CCNY: variants seen among roughly 807,000 people sequenced by gnomAD.
The protein encoded by CCNY is cyclin Y, also known as cyclin-Y.
A neutral mutation model predicts 42.8 loss-of-function variants in CCNY; 19 were observed. That is an observed-to-expected ratio of 0.44 (90% CI 0.31 to 0.65). The LOEUF (loss-of-function observed/expected upper bound fraction) is 0.65. Among genes scored for constraint, CCNY ranks in the 30% least tolerant of loss-of-function variants. The pLI, the probability that CCNY is intolerant of heterozygous loss-of-function variation, is 0.07. For synonymous variants in CCNY, 165 were observed against 162.7 expected (o/e 1.01, Z -0.11); for missense variants, 370 against 437.3 (o/e 0.85, Z 1.37).
intron 1 of CCNY, among the ~76,000 whole-genome samples, chr10:35,461,941 G>T (rs1839166497): frequency 6.6e-6 from 1 of 151,484 alleles, no homozygotes; most frequent in Admixed American, 6.6e-5. Flanking sequence ...TTTTCTCCCG[G>T]CACATCCCAC....
chr10:35,311,661 G>A (rs533328479), intron 3 of CCNY, among the ~76,000 whole-genome samples: 17 of 152,194 alleles, frequency 1.1e-4, no homozygotes, highest in Admixed American at 3.3e-4. Flanking sequence ...CTGGGCAACA[G>A]AGGGAGACCC....
chr10:35,256,718 G>C (rs1435856289), intron 3 of CCNY, among the ~76,000 whole-genome samples: 1 of 149,048 alleles, frequency 6.7e-6, no homozygotes, highest in Non-Finnish European at 1.5e-5. Flanking sequence ...GCGACAGAGA[G>C]AGACTCTGTC....
intron 1 of CCNY, among the ~76,000 whole-genome samples, chr10:35,389,728 C>T (rs910109319): frequency 2.0e-5 from 3 of 152,192 alleles, no homozygotes; most frequent in African/African-American, 7.2e-5. Flanking sequence ...TGAGCCATCA[C>T]ACCCGGCTGA....
chr10:35,544,646 C>G (rs1385816083), intron 7 of CCNY, among the ~76,000 whole-genome samples: 2 of 152,210 alleles, frequency 1.3e-5, no homozygotes, highest in Non-Finnish European at 2.9e-5. Context: ...CAGACATCCT[C>G]TGTTTAGCAC....
intron 1 of CCNY, among the ~76,000 whole-genome samples, chr10:35,368,729 G>A (rs1283435704): frequency 6.6e-6 from 1 of 152,226 alleles, no homozygotes; most frequent in Non-Finnish European, 1.5e-5. Flanking sequence ...TGGGCGGTGT[G>A]GCATAGGAGT....
chr10:35,421,029 G>A (rs1353654566), intron 1 of CCNY, among the ~76,000 whole-genome samples: 3 of 152,196 alleles, frequency 2.0e-5, no homozygotes, highest in African/African-American at 7.2e-5. Flanking sequence ...AGCCAGCCCA[G>A]TGGATAGGCC....
intron 4 of CCNY, among the ~76,000 whole-genome samples, chr10:35,525,071 C>A (rs1840624657): frequency 6.6e-6 from 1 of 152,044 alleles, no homozygotes; most frequent in Non-Finnish European, 1.5e-5. Flanking sequence ...GTATTAGAAA[C>A]AACCTAAATG....
chr10:35,559,904 C>T, intron 8 of CCNY, among the ~76,000 whole-genome samples: 1 of 152,196 alleles, frequency 6.6e-6, no homozygotes, highest in Non-Finnish European at 1.5e-5. Flanking sequence ...GGCGCATCAG[C>T]AGAGAGGACT....
At chr10:35,403,587 G>C (rs1416903542) in intron 1 of CCNY, among the ~76,000 whole-genome samples, 2 of 152,170 alleles carry the variant, frequency 1.3e-5, no homozygotes, top group African/African-American at 4.8e-5. Context: ...GCCTTGAGAA[G>C]AGTTTTTATT....
chr10:35,566,153 C>G lies in CCNY; in HGVS notation c.877C>G (p.Pro293Ala), dbSNP rs1339612602. 1.2e-6 allele frequency: 2 copies of G among 1,614,124 alleles called. No homozygotes were observed. The highest frequency in any genetic ancestry group is 1.7e-5 in the Admixed American group (1 of 60,020). ...GAACAACCTGAGCTTTCCCTTGGAG[C>G]CCCTGAGCAGGGAGAGGGCTCACAA... The part of the protein sequence containing the change: ...EANNLSFPLE[P>A]LSRERAHKLE... Residue 293 changes from proline to alanine, a missense_variant, in exon 9 of 10, where the codon CCC (proline) becomes GCC (alanine). Pro to Ala is a conservative substitution (Grantham distance 27). Transcript: ENST00000374704.
At chr10:35,313,876 TGAGGTGG>T (rs1835720217) in intron 3 of CCNY, among the ~76,000 whole-genome samples, 1 of 148,684 alleles carries the variant, frequency 6.7e-6, no homozygotes, top group Non-Finnish European at 1.5e-5. Context: ...CTCAGGAGGC[TGAGGTGG>T]GAGGATCACT....
chr10:35,414,279 C>T (rs1225878811), intron 1 of CCNY, among the ~76,000 whole-genome samples: 1 of 152,274 alleles, frequency 6.6e-6, no homozygotes, highest in East Asian at 1.9e-4. Flanking sequence ...GGGGAGGATC[C>T]CCTTCCAAGA....
chr10:35,273,311 C>A (rs1835195617), intron 3 of CCNY, among the ~76,000 whole-genome samples: 1 of 152,040 alleles, frequency 6.6e-6, no homozygotes, highest in South Asian at 2.1e-4. Context: ...AAGCGATTCT[C>A]CAGCCCCAGC....
rs115964673 is a variant in CCNY, at chr10:35,351,971, T to C, written c.154+14764T>C. On this transcript the variant is annotated intron_variant, in intron 1 of 9. Transcript: ENST00000374704. ...GCAGTCACTGAGCTCCAAGTTAAGT[T>C]AGCCACATTGTTTTGTTTGCTTCTG... Among the ~76,000 whole-genome samples, 792 of 152,350 alleles carry C rather than the reference T, an allele frequency of 5.2e-3. 2 individuals are homozygous for C. Among genetic ancestry groups the C allele is most frequent in the African/African-American group, 0.018 (765 of 41,574 alleles).
intron 3 of CCNY, among the ~76,000 whole-genome samples, chr10:35,252,361 T>C (rs1473530430): frequency 4.0e-5 from 6 of 151,846 alleles, no homozygotes. Flanking sequence ...GTCAGGAGAT[T>C]GGGGCCAAAC....
chr10:35,261,382 C>T (rs1194571629), intron 3 of CCNY, among the ~76,000 whole-genome samples: 2 of 151,650 alleles, frequency 1.3e-5, no homozygotes, highest in African/African-American at 2.4e-5. Context: ...AGATTACAGG[C>T]GTATGCTAAC....
intron 3 of CCNY, among the ~76,000 whole-genome samples, chr10:35,266,836 C>A (rs536409991): frequency 6.6e-6 from 1 of 152,210 alleles, no homozygotes; most frequent in Non-Finnish European, 1.5e-5. Context: ...GTAATCCCAG[C>A]ACTTTGGAAG....
chr10:35,441,084 GA>G (rs1838656775), intron 1 of CCNY, among the ~76,000 whole-genome samples: 1 of 152,156 alleles, frequency 6.6e-6, no homozygotes, highest in South Asian at 2.1e-4. Flanking sequence ...GCCTGAAATG[GA>G]AAGGAAGAGT....
chr10:35,429,336 A>G (rs974974711), intron 1 of CCNY, among the ~76,000 whole-genome samples: 5 of 152,264 alleles, frequency 3.3e-5, no homozygotes, highest in African/African-American at 1.2e-4. Flanking sequence ...TTATTATAAC[A>G]TAAATGAACT....
Sources: allele counts gnomAD v4.1 joint callset (sites outside exome capture counted in the v4.1 genomes callset), GRCh38; gene constraint gnomAD v4.1.1; transcripts MANE v1.5; gene names NCBI Gene and HGNC (gene_info 2026-07-23, HGNC 2026-07-21).